PIK3R6: variants seen among roughly 807,000 people sequenced by gnomAD.
PIK3R6 encodes phosphoinositide 3-kinase regulatory subunit 6.
A neutral mutation model predicts 84.9 loss-of-function variants in PIK3R6; 91 were observed. The observed-to-expected ratio is 1.07, with a 90% CI of 0.90 to 1.28. The LOEUF is 1.28. PIK3R6 is among the 50% of genes most tolerant of loss of function. The probability of loss-of-function intolerance (pLI) is 0.00; values close to 1 mark genes in which losing one functional copy is unlikely to be tolerated. For missense variants in PIK3R6, 996 were observed against 985.1 expected (o/e 1.01, Z -0.15); for synonymous variants, 416 against 411.4 (o/e 1.01, Z -0.13).
At chr17:8,833,095 C>T (rs2088319850) in intron 8 of PIK3R6, 50 bp from the exon 9 acceptor site, 1 of 1,494,502 alleles carries the variant, frequency 6.7e-7, no homozygotes, top group Non-Finnish European at 8.9e-7. Flanking sequence ...CGCCCACGCA[C>T]CCCAGCTCCT....
At position 8,822,397 on chromosome 17, in the gene PIK3R6, C is replaced by T. The variant is rs1225242310; in HGVS notation, c.1788+190G>A. Among the ~76,000 whole-genome samples the T allele has an allele frequency of 2.0e-5, 3 of 152,182 alleles. No individual in the cohort carries two copies. The East Asian group carries it at 5.8e-4, about 29-fold the overall frequency. On this transcript the variant is annotated intron_variant, in intron 16 of 19. Transcript: ENST00000619866. ...TCCTTAAATCTGATCACCTCCTGGT[C>T]TACATGTAAGGCCAACTTAACCCAC...
intron 1 of PIK3R6, among the ~76,000 whole-genome samples, chr17:8,859,457 G>A (rs1212634484): frequency 2.0e-5 from 3 of 152,220 alleles, no homozygotes; most frequent in Non-Finnish European, 4.4e-5. Context: ...GCTTGTGATG[G>A]TTTATGTGTC....
At chr17:8,850,439 C>A (rs546000846) in intron 1 of PIK3R6, among the ~76,000 whole-genome samples, 2 of 152,124 alleles carry the variant, frequency 1.3e-5, no homozygotes, top group African/African-American at 4.8e-5. Context: ...TCTATCTCTC[C>A]CCCCTCCCCA....
In PIK3R6 at chr17:8,803,786, A is replaced by C. The variant is rs1750857730; in HGVS notation, c.2108+255T>G. On this transcript the variant is annotated intron_variant, in intron 19 of 19. Coordinates refer to ENST00000619866, the MANE Select transcript of PIK3R6 (RefSeq NM_001010855.4). The surrounding 1 kb of genome is among the most constrained non-coding windows in gnomAD (Gnocchi z 5.0). ...GACTGGATCAGGAGGCTGCAGGCTG[A>C]GTGTATGCAGAGGCATCTGGGGAAA... 3.5e-6 allele frequency: 2 copies of C among 577,288 alleles called. No individual in the cohort carries two copies. Among genetic ancestry groups the C allele is most frequent in the Non-Finnish European group, 6.2e-6 (2 of 323,188 alleles). 35.8% of individuals were successfully genotyped at this position (577,288 alleles called of 1,614,324 possible).
chr17:8,835,898 C>T (rs918587256), intron 7 of PIK3R6, among the ~76,000 whole-genome samples: 1 of 152,268 alleles, frequency 6.6e-6, no homozygotes, highest in African/African-American at 2.4e-5. Flanking sequence ...ACTCCCTCCT[C>T]CTCACCCACT....
chr17:8,828,483 C>G, intron 11 of PIK3R6, 84 bp downstream of exon 11: 1 of 1,507,016 alleles, frequency 6.6e-7, no homozygotes, highest in Non-Finnish European at 8.9e-7. Flanking sequence ...TCTCTTGCCA[C>G]CCTGTGATCC....
In PIK3R6 at chr17:8,835,350, G is replaced by A. The variant is rs577337263; in HGVS notation, c.568C>T (p.Arg190Cys). The A allele has an allele frequency of 3.2e-5, 51 of 1,610,784 alleles. 2 individuals carry two copies. The highest frequency in any genetic ancestry group is 2.9e-4 in the South Asian group (26 of 90,732). Residue 190 changes from arginine (R) to cysteine (C), a missense_variant, in exon 8 of 20, where the codon CGC becomes TGC. Arg to Cys is a radical substitution (Grantham distance 180, BLOSUM62 -3). Transcript: ENST00000619866. ...QAQQTPETCMRHVVSHALQAA... is the reference protein window; with the variant it reads ...QAQQTPETCMCHVVSHALQAA... ...TGCAGGGCGTGGGAGACCACGTGGCGCATGCAGGTCTCTGGTGTCTGCTGC... is the reference window on the plus strand; with the variant it reads ...TGCAGGGCGTGGGAGACCACGTGGCACATGCAGGTCTCTGGTGTCTGCTGC...
At chr17:8,848,550 G>T (rs1483746400) in intron 2 of PIK3R6, among the ~76,000 whole-genome samples, 3 of 151,500 alleles carry the variant, frequency 2.0e-5, no homozygotes, top group African/African-American at 7.4e-5. Flanking sequence ...TCACACAATG[G>T]TATCTGTGTG....
intron 13 of PIK3R6, 24 bp from the exon 14 acceptor site, chr17:8,823,521 T>G: frequency 6.6e-7 from 1 of 1,515,534 alleles, no homozygotes; most frequent in Non-Finnish European, 9.1e-7. Flanking sequence ...AGGGAATGTC[T>G]TCACCAACTC....
In PIK3R6 at chr17:8,859,339, T is replaced by C. The variant is rs946752649; in HGVS notation, c.-92+8190A>G. Among the ~76,000 whole-genome samples the C allele has an allele frequency of 2.6e-5, 4 of 152,198 alleles. No individual in the cohort carries two copies. The East Asian group carries it at 7.7e-4, about 29-fold the overall frequency. On this transcript the variant is annotated intron_variant, in intron 1 of 19. Coordinates refer to ENST00000619866, the MANE Select transcript of PIK3R6 (RefSeq NM_001010855.4). ...GGTCTACCAGTCTGTCACCTCATAA[T>C]GACCGCAGGGTGGCTGTACTTGCCC... is the stretch of plus-strand genomic sequence containing the variant.
rs762098079 is a variant in PIK3R6 at position 8,842,155 on chromosome 17, G to C, written c.14-2458C>G. Reference sequence around the variant, plus strand: ...AGCAGATGCTGGCACCCTGCTTCTTGTACAGCCTGCAGAACGCTGAGCCAA... The same window carrying C: ...AGCAGATGCTGGCACCCTGCTTCTTCTACAGCCTGCAGAACGCTGAGCCAA... On this transcript the variant is annotated intron_variant, in intron 2 of 19. Transcript: ENST00000619866. The surrounding 1 kb of genome is among the most constrained non-coding windows in gnomAD (Gnocchi z 4.5). 6.6e-6 allele frequency among the ~76,000 whole-genome samples: 1 copy of C among 152,130 alleles called. No homozygotes were observed. Among genetic ancestry groups the C allele is most frequent in the African/African-American group, 2.4e-5 (1 of 41,412 alleles).
intron 2 of PIK3R6, among the ~76,000 whole-genome samples, chr17:8,848,632 T>C (rs1567607319): frequency 6.6e-6 from 1 of 152,234 alleles, no homozygotes; most frequent in Non-Finnish European, 1.5e-5. Flanking sequence ...CTGCTGTTTA[T>C]AAGGCTCGTC....
At chr17:8,867,429 C>T (rs368873723) in intron 1 of PIK3R6, 100 bp downstream of exon 1, 1 of 180,632 alleles carries the variant, frequency 5.5e-6, no homozygotes. Context: ...GGTGTTTCAG[C>T]CCCCCCAGGG....
chr17:8,849,945 G>A (rs1333881753), intron 1 of PIK3R6, 60 bp from the exon 2 acceptor site: 31 of 1,027,758 alleles, frequency 3.0e-5, no homozygotes, highest in Non-Finnish European at 2.8e-6. Context: ...AAGCACCTTG[G>A]GAAATGGAGA....
chr17:8,833,445 G>GA (rs763260194), intron 8 of PIK3R6, among the ~76,000 whole-genome samples: 28 of 152,084 alleles, frequency 1.8e-4, no homozygotes, highest in Admixed American at 1.1e-3. Flanking sequence ...CCAGCACTTA[G>GA]AATAGCTCAC....
intron 9 of PIK3R6, among the ~76,000 whole-genome samples, chr17:8,830,766 C>T (rs1238549518): frequency 1.3e-5 from 2 of 152,192 alleles, no homozygotes; most frequent in Non-Finnish European, 2.9e-5. Context: ...TGCTCTTACC[C>T]ACAACACTGT....
At chr17:8,821,407 G>A (rs183064777) in intron 17 of PIK3R6, among the ~76,000 whole-genome samples, 3 of 150,668 alleles carry the variant, frequency 2.0e-5, no homozygotes, top group Non-Finnish European at 4.4e-5. Context: ...AATCCGTATC[G>A]CCATCCTTTG....
intron 10 of PIK3R6, among the ~76,000 whole-genome samples, 157 bp downstream of exon 10, chr17:8,829,547 GAC>G (rs995750514): frequency 2.3e-4 from 27 of 119,994 alleles, no homozygotes; most frequent in South Asian, 8.2e-4. Context: ...CATGCACACA[GAC>G]ACACACTCAT....
intron 15 of PIK3R6, 41 bp downstream of exon 15, chr17:8,822,955 G>T: frequency 1.4e-6 from 2 of 1,476,394 alleles, no homozygotes; most frequent in South Asian, 1.1e-5. Flanking sequence ...TGGAGAAGCT[G>T]AGTCAGGGTG....
Sources: gnomAD v4.1 joint callset for allele counts (sites outside exome capture counted in the v4.1 genomes callset) on GRCh38, gnomAD v4.1.1 for gene constraint, Gnocchi (gnomAD v3.1) non-coding constraint, MANE v1.5 for transcripts, NCBI Gene and HGNC (gene_info 2026-07-23, HGNC 2026-07-21) for gene names.